Variants in MET observed in about 807,000 individuals in gnomAD.
MET encodes hepatocyte growth factor receptor.
In MET, 48 loss-of-function variants were observed where a neutral mutation model predicts 133.1. The observed-to-expected ratio is 0.36, with a 90% CI of 0.29 to 0.46. MET has a LOEUF of 0.46. MET is among the 20% of genes least tolerant of loss of function. The probability of loss-of-function intolerance (pLI) is 1.00; values close to 1 mark genes in which losing one functional copy is unlikely to be tolerated. For missense variants in MET, 1,442 were observed against 1,695.9 expected (o/e 0.85, Z 2.63); for synonymous variants, 628 against 616.5 (o/e 1.02, Z -0.28).
intron 2 of MET, among the ~76,000 whole-genome samples, chr7:116,721,808 T>A (rs1378754922): frequency 6.6e-6 from 1 of 152,234 alleles, no homozygotes; most frequent in Non-Finnish European, 1.5e-5. Context: ...AGTGAGATTC[T>A]TAATCCTGAG....
At chr7:116,716,485 G>GAAAGAAAGA (rs1298091568) in intron 2 of MET, among the ~76,000 whole-genome samples, 1 of 135,808 alleles carries the variant, frequency 7.4e-6, no homozygotes, top group African/African-American at 2.8e-5. Flanking sequence ...AAGAAAGAAA[G>GAAAGAAAGA]AAAGAAAGAA....
At chr7:116,792,740 A>T (rs1795548840) in intron 19 of MET, among the ~76,000 whole-genome samples, 1 of 152,030 alleles carries the variant, frequency 6.6e-6, no homozygotes. Flanking sequence ...ACCCAACTCC[A>T]TCCCCCTTTT....
intron 10 of MET, among the ~76,000 whole-genome samples, chr7:116,761,023 ATTAGT>A: frequency 6.6e-6 from 1 of 152,204 alleles, no homozygotes; most frequent in East Asian, 1.9e-4. Flanking sequence ...CTGAGAAATT[ATTAGT>A]TTATCTAATT....
chr7:116,741,654 C>T (rs904338459), intron 5 of MET, among the ~76,000 whole-genome samples: 21 of 152,208 alleles, frequency 1.4e-4, no homozygotes, highest in Admixed American at 5.2e-4. Flanking sequence ...GGAGGGTCAA[C>T]ACCCATGGGT....
At chr7:116,685,782 G>A (rs1796529807) in intron 1 of MET, among the ~76,000 whole-genome samples, 2 of 152,192 alleles carry the variant, frequency 1.3e-5, no homozygotes, top group African/African-American at 2.4e-5. Flanking sequence ...GAGTCTGCAT[G>A]TCGGTAACTG....
intron 5 of MET, among the ~76,000 whole-genome samples, chr7:116,752,144 A>G (rs1793947493): frequency 6.6e-6 from 1 of 152,196 alleles, no homozygotes; most frequent in African/African-American, 2.4e-5. Context: ...TCAGAAAAGC[A>G]GTATTATATA....
At chr7:116,782,715 A>G (rs1795192012) in intron 18 of MET, among the ~76,000 whole-genome samples, 1 of 152,244 alleles carries the variant, frequency 6.6e-6, no homozygotes, top group South Asian at 2.1e-4. Flanking sequence ...GTAACAACAT[A>G]AAAGCCAGCT....
In MET at chr7:116,791,461, C is replaced by T. The variant is rs984717910; in HGVS notation, c.3799-4194C>T. Among the ~76,000 whole-genome samples, 9 of 152,258 alleles carry T rather than the reference C, an allele frequency of 5.9e-5. No homozygotes were observed. In the South Asian group the frequency reaches 1.9e-3, roughly 32 times the overall value. ...TTCCCAATGGCTAGTGATGTCGAGC[C>T]TCTTTTCATGAGCTTATTTGCCATC... On this transcript the variant is annotated intron_variant, in intron 19 of 20. Transcript: ENST00000397752.
At chr7:116,774,317 T>C (rs1042993146) in intron 14 of MET, among the ~76,000 whole-genome samples, 1 of 152,190 alleles carries the variant, frequency 6.6e-6, no homozygotes, top group Non-Finnish European at 1.5e-5. Context: ...TAAACAACAG[T>C]AACACTAAAT....
At chr7:116,779,012 C>G (rs2117049210) in intron 17 of MET, 55 bp downstream of exon 17, 1 of 1,576,792 alleles carries the variant, frequency 6.3e-7, no homozygotes, top group Non-Finnish European at 8.7e-7. Flanking sequence ...CCAGCCATCC[C>G]TTCAAAATAG....
intron 2 of MET, among the ~76,000 whole-genome samples, chr7:116,720,197 T>A (rs1562896019): frequency 6.7e-6 from 1 of 149,060 alleles, no homozygotes; most frequent in Non-Finnish European, 1.5e-5. Context: ...AAGAGGTCCT[T>A]CACATCCCTT....
intron 1 of MET, among the ~76,000 whole-genome samples, chr7:116,677,772 G>A (rs968878413): frequency 2.6e-5 from 4 of 152,140 alleles, no homozygotes; most frequent in African/African-American, 9.7e-5. Flanking sequence ...ATTGGCACGT[G>A]GTTATTTTTC....
At chr7:116,684,691 T>A (rs75483684) in intron 1 of MET, among the ~76,000 whole-genome samples, 4,882 of 152,196 alleles carry the variant, frequency 0.032, 91 homozygotes, top group Middle Eastern at 0.068. Context: ...CTTCAAGAAC[T>A]GGAAGAGGGC....
chr7:116,702,501 C>CA (rs888625138), intron 2 of MET, among the ~76,000 whole-genome samples: 18 of 151,544 alleles, frequency 1.2e-4, no homozygotes, highest in East Asian at 3.9e-4. Context: ...TCATCACACA[C>CA]AAAAAAAACA....
intron 2 of MET, among the ~76,000 whole-genome samples, chr7:116,721,480 A>G (rs1376504059): frequency 1.3e-5 from 2 of 151,910 alleles, no homozygotes; most frequent in Non-Finnish European, 2.9e-5. Flanking sequence ...TTGTGTCTCT[A>G]TTTCCTCAGT....
intron 19 of MET, 62 bp from the exon 20 acceptor site, chr7:116,795,593 T>G: frequency 1.9e-6 from 3 of 1,610,424 alleles, no homozygotes; most frequent in Non-Finnish European, 2.5e-6. Flanking sequence ...ACCTACTGAT[T>G]TCCTTTCATA....
chr7:116,721,403 G>C (rs1398484254), intron 2 of MET, among the ~76,000 whole-genome samples: 1 of 152,046 alleles, frequency 6.6e-6, no homozygotes, highest in African/African-American at 2.4e-5. Flanking sequence ...CTTGCTAGCG[G>C]TCTATCAATT....
chr7:116,752,865 A>G (rs939557226), intron 5 of MET, among the ~76,000 whole-genome samples: 8 of 152,202 alleles, frequency 5.3e-5, no homozygotes, highest in African/African-American at 1.9e-4. Context: ...CAGCGTTTTC[A>G]GTGGGGAAGC....
At position 116,757,554 on chromosome 7, in the gene MET, A is replaced by G. The variant is rs1794228357; in HGVS notation, c.1965+15A>G. On this transcript the variant is annotated intron_variant, in intron 7 of 20. Coordinates refer to ENST00000397752, the MANE Select transcript of MET (RefSeq NM_000245.4). ...TCTCCTATGTGGTAAGGAAGATTCT[A>G]TCCTATCATGTTTGATTTTTACTTA... 7 of 1,612,956 alleles carry G rather than the reference A, an allele frequency of 4.3e-6. No individual in the cohort carries two copies. The highest frequency in any genetic ancestry group is 1.3e-5 in the African/African-American group (1 of 74,898).
Sources: allele counts gnomAD v4.1 joint callset (sites outside exome capture counted in the v4.1 genomes callset), GRCh38; gene constraint gnomAD v4.1.1; transcripts MANE v1.5; gene names NCBI Gene and HGNC (gene_info 2026-07-23, HGNC 2026-07-21).